PCDHA2: variants seen among roughly 807,000 people sequenced by gnomAD.
PCDHA2 encodes the protein protocadherin alpha 2.
PCDHA2 carries 58 observed loss-of-function variants against 66.0 expected under a neutral mutation model. The observed-to-expected ratio is 0.88, with a 90% CI of 0.71 to 1.09. PCDHA2 has a LOEUF of 1.09. PCDHA2 is among the 50% of genes least tolerant of loss of function. The pLI is 0.00. For synonymous variants in PCDHA2, 634 were observed against 554.0 expected (o/e 1.14, Z -2.03); for missense variants, 1,267 against 1,242.3 (o/e 1.02, Z -0.30).
chr5:141,005,666 C>T (rs1304126376), intron 3 of PCDHA2, among the ~76,000 whole-genome samples: 2 of 130,134 alleles, frequency 1.5e-5, no homozygotes, highest in Non-Finnish European at 3.1e-5. Context: ...CGCGCCACTG[C>T]ACTCCAGCCT....
intron 1 of PCDHA2, chr5:140,848,888 A>C: frequency 6.4e-7 from 1 of 1,564,652 alleles, no homozygotes; most frequent in South Asian, 1.1e-5. Flanking sequence ...ACAACCCTCC[A>C]GTGTTCCCAG....
rs543804071 is a variant in PCDHA2, at chr5:140,951,447, C to T, written c.2389-27502C>T. Among the ~76,000 whole-genome samples the T allele has an allele frequency of 2.2e-4, 34 of 152,004 alleles. No homozygotes were observed. In the South Asian group the frequency reaches 5.8e-3, roughly 26 times the overall value. On this transcript the variant is annotated intron_variant, in intron 1 of 3. Coordinates refer to ENST00000526136, the MANE Select transcript of PCDHA2 (RefSeq NM_018905.3). ...CCACAGGCTGTAGGAAGCATGATGC[C>T]GGCCATCTGCTTGGCTTCTGGGGAG...
At chr5:140,949,237 A>G (rs1239213091) in intron 1 of PCDHA2, among the ~76,000 whole-genome samples, 1 of 151,790 alleles carries the variant, frequency 6.6e-6, no homozygotes, top group South Asian at 2.1e-4. Context: ...GTGGCCCAGC[A>G]ACAGTCTATC....
chr5:140,929,307 C>A, intron 1 of PCDHA2: 1 of 1,570,164 alleles, frequency 6.4e-7, no homozygotes, highest in Non-Finnish European at 8.7e-7. Flanking sequence ...AAGGGGATCA[C>A]GCTAATGTCA....
Position 140,842,609 on chromosome 5 carries a change from G to T in PCDHA2, c.2388+45257G>T, listed in dbSNP as rs2150340474. 6.2e-5 allele frequency: 99 copies of T among 1,595,866 alleles called. 3 individuals carry two copies. In the East Asian group the frequency reaches 1.8e-3, roughly 29 times the overall value. On this transcript the variant is annotated intron_variant, in intron 1 of 3. Transcript: ENST00000526136. ...TGAGTTGGTGGTAACCGCGCGGGAC[G>T]GGGGCTCGCCTTCGCTGTGGGCCAC...
intron 1 of PCDHA2, chr5:140,869,288 G>T (rs950790626): frequency 6.2e-7 from 1 of 1,613,578 alleles, no homozygotes; most frequent in East Asian, 2.2e-5. Context: ...CTGGTGCAGC[G>T]CCTGTTCCGG....
At chr5:140,899,789 G>A (rs1200461877) in intron 1 of PCDHA2, among the ~76,000 whole-genome samples, 17 of 152,024 alleles carry the variant, frequency 1.1e-4, no homozygotes, top group Admixed American at 9.8e-4. Context: ...GGTATAATTC[G>A]GCTGTGAATC....
chr5:140,929,162 G>T (rs2153599635), intron 1 of PCDHA2: 4 of 1,614,060 alleles, frequency 2.5e-6, no homozygotes, highest in Non-Finnish European at 3.4e-6. Context: ...TATCTCTATC[G>T]GGCCTCTCTG....
Position 140,855,317 on chromosome 5 carries a change from G to A in PCDHA2, c.2388+57965G>A, listed in dbSNP as rs568738789. Among the ~76,000 whole-genome samples, 68 of 149,944 alleles carry A rather than the reference G, an allele frequency of 4.5e-4. 6 individuals are homozygous for A. Among genetic ancestry groups the A allele is most frequent in the African/African-American group, 1.6e-3 (65 of 40,966 alleles). The stretch of plus-strand genomic sequence containing the variant: ...CCAAAGTTATAAAATTGGAACATGA[G>A]GGAGGGAGAGGTTAAACGATTTTCC... On this transcript the variant is annotated intron_variant, in intron 1 of 3. Transcript: ENST00000526136.
At chr5:140,829,959 G>A (rs2150178613) in intron 1 of PCDHA2, 1 of 1,613,960 alleles carries the variant, frequency 6.2e-7, no homozygotes, top group Non-Finnish European at 8.5e-7. Flanking sequence ...TTCCCGTTTC[G>A]CGTGGGGCTG....
At chr5:140,856,867 C>A (rs1554149232) in intron 1 of PCDHA2, 1 of 1,595,186 alleles carries the variant, frequency 6.3e-7, no homozygotes. Context: ...AAGGAATAAA[C>A]AAGGAAATGA....
At chr5:140,801,042 G>T in intron 1 of PCDHA2, 1 of 1,433,662 alleles carries the variant, frequency 7.0e-7, no homozygotes, top group Non-Finnish European at 9.1e-7. Context: ...CTCCACAAAA[G>T]AAATAACAGC....
chr5:140,932,991 C>T (rs2088784414), intron 1 of PCDHA2, among the ~76,000 whole-genome samples: 1 of 151,940 alleles, frequency 6.6e-6, no homozygotes, highest in African/African-American at 2.4e-5. Context: ...AAATGCATGT[C>T]ATATGAATAT....
intron 1 of PCDHA2, among the ~76,000 whole-genome samples, chr5:140,941,202 C>CTTTCTTTCTTTCTTTCTTTCTTTCTTT (rs1554213921): frequency 8.1e-6 from 1 of 122,708 alleles, no homozygotes; most frequent in Admixed American, 8.6e-5. Context: ...TTTCTTTCTT[C>CTTTCTTTCTTTCTTTCTTTCTTTCTTT]CTTTCTTTCT....
intron 1 of PCDHA2, among the ~76,000 whole-genome samples, chr5:140,897,061 T>C (rs1554187169): frequency 6.6e-6 from 1 of 152,134 alleles, no homozygotes; most frequent in Admixed American, 6.6e-5. Context: ...TCAAATACTA[T>C]GTCTTATTCA....
intron 1 of PCDHA2, among the ~76,000 whole-genome samples, chr5:140,846,373 C>CTTTTTTTTTTTTTTTTTTTTTTTTTTTT (rs374699051): frequency 3.6e-5 from 2 of 55,152 alleles, no homozygotes; most frequent in Non-Finnish European, 8.2e-5. Flanking sequence ...TTCTTTCTTT[C>CTTTTTTTTTTTTTTTTTTTTTTTTTTTT]TTTTTTTTTT....
intron 1 of PCDHA2, among the ~76,000 whole-genome samples, chr5:140,919,389 TG>T (rs2079114384): frequency 6.6e-6 from 1 of 152,242 alleles, no homozygotes; most frequent in African/African-American, 2.4e-5. Context: ...AGTTGGATGT[TG>T]TTTTCCTAAA....
In PCDHA2 at chr5:140,982,560, C is replaced by G. The variant is rs782437404; in HGVS notation, c.2533C>G (p.Pro845Ala). The G allele has an allele frequency of 5.6e-6, 9 of 1,614,098 alleles. No homozygotes were observed. Among genetic ancestry groups the G allele is most frequent in the South Asian group, 4.4e-5 (4 of 91,078 alleles). ...QQWPTVSSAT[P>A]EPEAGEVSPP... ...GTGGCCAACAGTATCCAGTGCAACA[C>G]CAGGTAAAGAGCTGGGGTCTCTCCA... Residue 845 changes from proline to alanine, a missense_variant, in exon 3 of 4, where the codon CCA (proline) becomes GCA (alanine). Physicochemically the swap from Pro to Ala is conservative, Grantham distance 27. Coordinates refer to ENST00000526136, the MANE Select transcript of PCDHA2 (RefSeq NM_018905.3).
Position 140,796,372 on chromosome 5 carries a change from C to T in PCDHA2, c.1408C>T (p.Pro470Ser), listed in dbSNP as rs782543365. 1 of 1,614,036 alleles carries T rather than the reference C, an allele frequency of 6.2e-7. No homozygotes were observed. The highest frequency in any genetic ancestry group is 8.5e-7 in the Non-Finnish European group (1 of 1,179,978). ...AGTATTCGTGAAGGAGAACAACCCG[C>T]CGGGCTGCCACATCTTCACGGTGTC... ...YTVFVKENNP[P>S]GCHIFTVSAW... The change falls in exon 1 of 4, where the codon CCG (proline) becomes TCG (serine). Residue 470 changes from proline to serine, a missense_variant. Pro to Ser is a moderately conservative substitution (Grantham distance 74). Coordinates refer to ENST00000526136, the MANE Select transcript of PCDHA2 (RefSeq NM_018905.3).
Sources: gnomAD v4.1 joint callset for allele counts (sites outside exome capture counted in the v4.1 genomes callset) on GRCh38, gnomAD v4.1.1 for gene constraint, MANE v1.5 for transcripts, NCBI Gene and HGNC (gene_info 2026-07-23, HGNC 2026-07-21) for gene names.